The following AP1G1 variants were observed in gnomAD, a reference collection of about 807,000 sequenced individuals.
AP1G1 encodes AP-1 complex subunit gamma-1.
In AP1G1, 7 loss-of-function variants were observed where a neutral mutation model predicts 108.3. The observed-to-expected ratio is 0.06, with a 90% CI of 0.04 to 0.12. The LOEUF is 0.12. Ranked by LOEUF, AP1G1 falls within the 10% of genes least tolerant of loss-of-function variation. The pLI, the probability that AP1G1 is intolerant of heterozygous loss-of-function variation, is 1.00. For synonymous variants in AP1G1, 379 were observed against 353.5 expected (o/e 1.07, Z -0.81); for missense variants, 756 against 1,010.7 (o/e 0.75, Z 3.42).
intron 2 of AP1G1, among the ~76,000 whole-genome samples, chr16:71,777,404 G>A (rs1161003999): frequency 2.6e-5 from 4 of 152,088 alleles, no homozygotes; most frequent in East Asian, 3.9e-4. Flanking sequence ...GTCAGGAGGT[G>A]GAACAATGGT....
intron 1 of AP1G1, chr16:71,808,407 A>T: frequency 9.3e-7 from 1 of 1,080,658 alleles, no homozygotes; most frequent in East Asian, 6.2e-5. Flanking sequence ...CAGAGAAGAC[A>T]CGCGGGGGTG....
chr16:71,778,248 A>G (rs1049906670), intron 2 of AP1G1, among the ~76,000 whole-genome samples: 2 of 152,246 alleles, frequency 1.3e-5, no homozygotes, highest in Non-Finnish European at 2.9e-5. Flanking sequence ...TTTGAAGGTG[A>G]CAAATCTAAG....
chr16:71,766,501 TTA>T, intron 6 of AP1G1: 1 of 449,364 alleles, frequency 2.2e-6, no homozygotes, highest in South Asian at 1.6e-5. Flanking sequence ...TAGGAACTTT[TTA>T]TGTTTCCAAC....
At chr16:71,746,167 G>A (rs949749210) in intron 17 of AP1G1, among the ~76,000 whole-genome samples, 2 of 152,090 alleles carry the variant, frequency 1.3e-5, no homozygotes, top group African/African-American at 4.8e-5. Context: ...GCGCCACCAT[G>A]CCCAACTAAT....
In AP1G1 at chr16:71,774,501, T is replaced by A. The variant is rs770148831; in HGVS notation, c.293A>T (p.Asp98Val). 2.5e-6 allele frequency: 4 copies of A among 1,603,320 alleles called. No homozygotes were observed. The highest frequency in any genetic ancestry group is 1.8e-5 in the Admixed American group (1 of 56,150). The change falls in exon 3 of 23, where the codon GAT becomes GTT. Residue 98 changes from aspartate to valine, a missense_variant. By Grantham distance (152) the Asp-to-Val change is radical. Around this residue, in one of 3 missense-constraint regions of AP1G1, gnomAD observed 304 missense variants for 483.6 expected, o/e 0.63. Coordinates refer to ENST00000299980, the MANE Select transcript of AP1G1 (RefSeq NM_001128.6). ...ACAGTTGGTCATGAGAAGATGGACA[T>A]CTTGTCTTTCATCTAACAGCAGCAT... ...GAMLLLDERQ[D>V]VHLLMTNCIK... is the part of the protein sequence containing the mutation.
At chr16:71,762,486 C>T (rs1447508112) in intron 9 of AP1G1, among the ~76,000 whole-genome samples, 1 of 152,172 alleles carries the variant, frequency 6.6e-6, no homozygotes, top group Non-Finnish European at 1.5e-5. Context: ...ACGATTGGAA[C>T]TTTCAGTCTC....
chr16:71,756,483 G>C (rs1009706843), intron 11 of AP1G1, among the ~76,000 whole-genome samples: 4 of 151,596 alleles, frequency 2.6e-5, no homozygotes, highest in Admixed American at 6.6e-5. Flanking sequence ...GTCTCAAAAA[G>C]AGGGGCAACA....
At chr16:71,762,498 TC>T (rs1311579240) in intron 9 of AP1G1, among the ~76,000 whole-genome samples, 1 of 152,048 alleles carries the variant, frequency 6.6e-6, no homozygotes, top group Non-Finnish European at 1.5e-5. Context: ...TTCAGTCTCA[TC>T]CCCCAACCTT....
chr16:71,804,402 CTCT>C (rs1357243851), intron 1 of AP1G1, among the ~76,000 whole-genome samples: 5 of 137,396 alleles, frequency 3.6e-5, no homozygotes, highest in African/African-American at 1.3e-4. Flanking sequence ...TCTATATGCT[CTCT>C]TAATTTTTTT....
rs111596269 is a variant in AP1G1, at chr16:71,796,007, C to G, written c.-3-6525G>C. Reference sequence around the variant, plus strand: ...ATCCCAGCACTTTGGGAGGCCGAGGCAGGTAGACTGCTCAAGTCCAGGAGT... The same window carrying G: ...ATCCCAGCACTTTGGGAGGCCGAGGGAGGTAGACTGCTCAAGTCCAGGAGT... On this transcript the variant is annotated intron_variant, in intron 1 of 22. Coordinates refer to ENST00000299980, the MANE Select transcript of AP1G1 (RefSeq NM_001128.6). Among the ~76,000 whole-genome samples the G allele has an allele frequency of 3.6e-3, 550 of 152,282 alleles. 8 individuals carry two copies. The highest frequency in any genetic ancestry group is 0.013 in the African/African-American group (526 of 41,548).
intron 1 of AP1G1, among the ~76,000 whole-genome samples, chr16:71,796,160 G>A (rs2032578344): frequency 6.6e-6 from 1 of 152,136 alleles, no homozygotes; most frequent in Non-Finnish European, 1.5e-5. Flanking sequence ...GATCACTTGA[G>A]CCAAGGGGAC....
At chr16:71,780,320 T>A (rs2031964187) in intron 2 of AP1G1, among the ~76,000 whole-genome samples, 2 of 151,938 alleles carry the variant, frequency 1.3e-5, no homozygotes, top group African/African-American at 4.8e-5. Context: ...TGTCTTAAAA[T>A]TTTGTTTAAA....
intron 1 of AP1G1, among the ~76,000 whole-genome samples, chr16:71,803,103 T>A (rs541641002): frequency 3.3e-4 from 50 of 151,750 alleles, no homozygotes; most frequent in Middle Eastern, 3.4e-3. Context: ...CAGTCCCAGC[T>A]ACTCGGGAGG....
intron 3 of AP1G1, among the ~76,000 whole-genome samples, chr16:71,773,836 G>C (rs1214343657): frequency 7.3e-5 from 11 of 149,732 alleles, no homozygotes; most frequent in Non-Finnish European, 1.6e-4. Flanking sequence ...CCAGCTACTT[G>C]GGAGGCTGAG....
chr16:71,738,516 A>G (rs1473455344), intron 21 of AP1G1, among the ~76,000 whole-genome samples: 1 of 152,190 alleles, frequency 6.6e-6, no homozygotes, highest in Non-Finnish European at 1.5e-5. Context: ...AAGAGAGAAA[A>G]AATTTCAATT....
intron 1 of AP1G1, among the ~76,000 whole-genome samples, chr16:71,799,186 AG>A (rs938519813): frequency 1.3e-5 from 2 of 152,296 alleles, no homozygotes; most frequent in African/African-American, 4.8e-5. Context: ...CATGATATGG[AG>A]AAGTTACTGC....
intron 11 of AP1G1, chr16:71,758,361 A>G: frequency 2.0e-6 from 1 of 505,932 alleles, no homozygotes; most frequent in Non-Finnish European, 4.0e-6. Context: ...TCTAAGCAAT[A>G]TGCTGCCTTC....
At chr16:71,793,195 C>A (rs2032465453) in intron 1 of AP1G1, among the ~76,000 whole-genome samples, 1 of 152,074 alleles carries the variant, frequency 6.6e-6, no homozygotes, top group Admixed American at 6.6e-5. Flanking sequence ...ACAAACAAAA[C>A]AAATAACAAT....
At chr16:71,759,742 A>G (rs1351431467) in intron 10 of AP1G1, among the ~76,000 whole-genome samples, 2 of 151,938 alleles carry the variant, frequency 1.3e-5, no homozygotes, top group African/African-American at 4.8e-5. Context: ...CCTAGGCGAC[A>G]GAGCGAGACT....
Sources: gnomAD v4.1 joint callset for allele counts (sites outside exome capture counted in the v4.1 genomes callset) on GRCh38, gnomAD v4.1.1 for gene constraint, gnomAD v4.1.1 regional missense constraint, MANE v1.5 for transcripts, NCBI Gene and HGNC (gene_info 2026-07-23, HGNC 2026-07-21) for gene names.